The following DPYD variants were observed in gnomAD, a reference collection of about 807,000 sequenced individuals.
DPYD encodes dihydropyrimidine dehydrogenase.
Under a neutral mutation model 116.2 loss-of-function variants are expected in DPYD, and 109 were observed. That is an observed-to-expected ratio of 0.94 (90% CI 0.80 to 1.10). DPYD has a LOEUF of 1.10. Ranked by LOEUF, DPYD falls within the 50% of genes least tolerant of loss-of-function variation. DPYD has a pLI of 0.00. For missense variants in DPYD, 1,302 were observed against 1,254.5 expected, an observed-to-expected ratio of 1.04 and a Z score of -0.57; for synonymous variants, 440 against 432.0, an observed-to-expected ratio of 1.02 and a Z score of -0.23.
intron 8 of DPYD, among the ~76,000 whole-genome samples, chr1:97,620,103 T>C (rs1656543114): frequency 6.6e-6 from 1 of 152,020 alleles, no homozygotes; most frequent in African/African-American, 2.4e-5. Context: ...TCCAGTGAGA[T>C]TTGGCTGCAA....
intron 10 of DPYD, among the ~76,000 whole-genome samples, chr1:97,580,601 T>C (rs1653577643): frequency 6.6e-6 from 1 of 152,208 alleles, no homozygotes; most frequent in Non-Finnish European, 1.5e-5. Context: ...TTGACCCAAC[T>C]TTAGTCAGGT....
chr1:97,771,644 G>A (rs1666148025), intron 3 of DPYD, among the ~76,000 whole-genome samples: 1 of 152,144 alleles, frequency 6.6e-6, no homozygotes, highest in Non-Finnish European at 1.5e-5. Context: ...AAAACAGCTA[G>A]ATGAATGCAT....
intron 8 of DPYD, among the ~76,000 whole-genome samples, chr1:97,653,904 G>A (rs1462366191): frequency 6.6e-6 from 1 of 152,132 alleles, no homozygotes; most frequent in African/African-American, 2.4e-5. Flanking sequence ...CTTTAATTAT[G>A]AAACTGTGAG....
chr1:97,238,689 T>A (rs1272985442), intron 18 of DPYD, among the ~76,000 whole-genome samples: 1 of 152,206 alleles, frequency 6.6e-6, no homozygotes, highest in East Asian at 1.9e-4. Context: ...CAGTGATTAA[T>A]GATTTTAGAC....
At chr1:97,112,905 A>G (rs1003832981) in intron 20 of DPYD, among the ~76,000 whole-genome samples, 2 of 152,160 alleles carry the variant, frequency 1.3e-5, no homozygotes, top group Non-Finnish European at 2.9e-5. Context: ...CAGGATAACA[A>G]TTACATTTGT....
intron 19 of DPYD, among the ~76,000 whole-genome samples, chr1:97,218,723 C>T (rs1340962668): frequency 2.6e-5 from 4 of 151,860 alleles, no homozygotes; most frequent in Admixed American, 2.6e-4. Context: ...AAAAGGAAAA[C>T]AAGAATAAAA....
At chr1:97,284,149 G>A (rs894836275) in intron 18 of DPYD, among the ~76,000 whole-genome samples, 11 of 151,988 alleles carry the variant, frequency 7.2e-5, no homozygotes, top group Non-Finnish European at 1.2e-4. Context: ...AGAATGATAC[G>A]TCACTTCTTT....
At chr1:97,197,170 G>T (rs1460442544) in intron 19 of DPYD, among the ~76,000 whole-genome samples, 1 of 152,116 alleles carries the variant, frequency 6.6e-6, no homozygotes, top group Non-Finnish European at 1.5e-5. Flanking sequence ...CTGTTTCTCA[G>T]GAGGAACAAT....
At chr1:97,847,782 A>G (rs1291330257) in intron 2 of DPYD, among the ~76,000 whole-genome samples, 1 of 152,214 alleles carries the variant, frequency 6.6e-6, no homozygotes, top group Non-Finnish European at 1.5e-5. Context: ...ACAGCATTTG[A>G]ATGCAAGTCC....
At chr1:97,413,264 T>C (rs998663228) in intron 14 of DPYD, among the ~76,000 whole-genome samples, 3 of 152,048 alleles carry the variant, frequency 2.0e-5, no homozygotes, top group African/African-American at 7.2e-5. Flanking sequence ...GAGGGACAGA[T>C]AGAAAAAAAT....
chr1:97,638,360 C>T (rs940517213), intron 8 of DPYD, among the ~76,000 whole-genome samples: 3 of 152,052 alleles, frequency 2.0e-5, no homozygotes, highest in African/African-American at 7.2e-5. Flanking sequence ...CAGAATAAGA[C>T]ACAGATGTTT....
At chr1:97,473,097 C>A (rs1431930209) in intron 13 of DPYD, among the ~76,000 whole-genome samples, 3 of 152,118 alleles carry the variant, frequency 2.0e-5, no homozygotes, top group East Asian at 3.9e-4. Context: ...TAAGTGTGTA[C>A]CCTTTAATCA....
rs935936835 is a variant in DPYD, at chr1:97,854,796, G to C, written c.151-26600C>G. ...CAAATACAAACAAAAGAGGGTACAG[G>C]GTCAGGAGATTCTTGTGCCCATCAT... On this transcript the variant is annotated intron_variant, in intron 2 of 22. Transcript: ENST00000370192. Among the ~76,000 whole-genome samples, 33 of 152,112 alleles carry C rather than the reference G, an allele frequency of 2.2e-4. 1 individual carries two copies. The highest frequency in any genetic ancestry group is 2.9e-5 in the Non-Finnish European group (2 of 68,018).
At chr1:97,802,127 A>C (rs949142252) in intron 3 of DPYD, among the ~76,000 whole-genome samples, 2 of 151,956 alleles carry the variant, frequency 1.3e-5, no homozygotes, top group African/African-American at 4.8e-5. Flanking sequence ...AAAGACGTAG[A>C]GTCACGCTGT....
intron 20 of DPYD, among the ~76,000 whole-genome samples, chr1:97,170,666 C>G (rs1368321369): frequency 1.3e-5 from 2 of 151,568 alleles, no homozygotes; most frequent in Non-Finnish European, 2.9e-5. Context: ...TAAATACTTT[C>G]TTCTTTCCAT....
At chr1:97,527,792 T>A (rs1217056346) in intron 12 of DPYD, among the ~76,000 whole-genome samples, 1 of 71,488 alleles carries the variant, frequency 1.4e-5, no homozygotes, top group Non-Finnish European at 2.8e-5. Flanking sequence ...GAATGAAATT[T>A]GGAAAAAAAA....
chr1:97,779,316 T>TACAC (rs34698824), intron 3 of DPYD, among the ~76,000 whole-genome samples: 32 of 144,534 alleles, frequency 2.2e-4, no homozygotes, highest in South Asian at 4.3e-4. Context: ...CACACACACA[T>TACAC]ACACACACAC....
chr1:97,333,510 T>A (rs994616547), intron 16 of DPYD, among the ~76,000 whole-genome samples: 1 of 137,382 alleles, frequency 7.3e-6, no homozygotes, highest in Non-Finnish European at 1.5e-5. Flanking sequence ...AATTGCTAAG[T>A]CTTAGGATTT....
At chr1:97,542,419 G>T (rs1650513371) in intron 12 of DPYD, among the ~76,000 whole-genome samples, 1 of 152,104 alleles carries the variant, frequency 6.6e-6, no homozygotes, top group Non-Finnish European at 1.5e-5. Flanking sequence ...TTGTACCCTG[G>T]TCTGGGTACC....
Sources: gnomAD v4.1 joint callset for allele counts (sites outside exome capture counted in the v4.1 genomes callset) on GRCh38, gnomAD v4.1.1 for gene constraint, MANE v1.5 for transcripts, NCBI Gene and HGNC (gene_info 2026-07-23, HGNC 2026-07-21) for gene names.